The following RARB variants were observed in gnomAD, a reference collection of about 807,000 sequenced individuals.
RARB encodes HBV-activated protein.
Under a neutral mutation model 51.9 loss-of-function variants are expected in RARB, and 17 were observed. That is an observed-to-expected ratio of 0.33 (90% CI 0.22 to 0.49). The LOEUF (loss-of-function observed/expected upper bound fraction) is 0.49, where lower values mean the gene tolerates loss of function less well. Ranked by LOEUF, RARB falls within the 20% of genes least tolerant of loss-of-function variation. The pLI is 0.99. For synonymous variants in RARB, 215 were observed against 195.4 expected, an observed-to-expected ratio of 1.10 and a Z score of -0.84; for missense variants, 369 against 550.8, an observed-to-expected ratio of 0.67 and a Z score of 3.30.
intron 5 of RARB, among the ~76,000 whole-genome samples, chr3:25,365,390 G>A (rs1706087121): frequency 6.6e-6 from 1 of 151,504 alleles, no homozygotes; most frequent in Non-Finnish European, 1.5e-5. Context: ...GGGATTATAG[G>A]CATGAGCCAC....
At chr3:24,837,435 A>T (rs1044144152) in intron 1 of RARB, among the ~76,000 whole-genome samples, 4 of 152,206 alleles carry the variant, frequency 2.6e-5, no homozygotes, top group Non-Finnish European at 4.4e-5. Context: ...TAATTTGAGA[A>T]CTGTATTAAA....
chr3:24,978,407 TATTA>T (rs1407759647), intron 2 of RARB, among the ~76,000 whole-genome samples: 11 of 152,314 alleles, frequency 7.2e-5, no homozygotes, highest in African/African-American at 2.4e-4. Flanking sequence ...GTTGGTAGGC[TATTA>T]ATTATTGCCT....
intron 3 of RARB, among the ~76,000 whole-genome samples, chr3:25,524,010 G>GCTGAAA (rs1285155142): frequency 1.3e-5 from 2 of 152,204 alleles, no homozygotes; most frequent in Non-Finnish European, 2.9e-5. Context: ...TAAGGCTGAA[G>GCTGAAA]CACAATGAAT....
At chr3:25,594,710 C>T in intron 7 of RARB, 32 bp downstream of exon 7, 2 of 1,525,192 alleles carry the variant, frequency 1.3e-6, no homozygotes, top group Non-Finnish European at 1.8e-6. Context: ...ACTGTAGTCA[C>T]ACAGTGGACT....
chr3:25,533,613 C>T (rs975836756), intron 3 of RARB, among the ~76,000 whole-genome samples: 3 of 152,096 alleles, frequency 2.0e-5, no homozygotes, highest in Admixed American at 6.5e-5. Context: ...ACTTTGCAAA[C>T]GATATATCTA....
At chr3:25,500,374 T>C (rs1697234644) in intron 2 of RARB, among the ~76,000 whole-genome samples, 1 of 152,006 alleles carries the variant, frequency 6.6e-6, no homozygotes, top group Admixed American at 6.6e-5. Context: ...AGAGGAGCTA[T>C]GTAAAAGAAC....
At chr3:24,982,721 C>G (rs1696704389) in intron 2 of RARB, among the ~76,000 whole-genome samples, 1 of 152,222 alleles carries the variant, frequency 6.6e-6, no homozygotes, top group Non-Finnish European at 1.5e-5. Context: ...AACTTCTCCT[C>G]TGTCAGTGGC....
At chr3:24,917,340 A>G (rs1268341156) in intron 2 of RARB, among the ~76,000 whole-genome samples, 5 of 152,358 alleles carry the variant, frequency 3.3e-5, no homozygotes, top group East Asian at 1.9e-4. Context: ...TAAAAAATGT[A>G]TGTTTCAAAA....
intron 3 of RARB, among the ~76,000 whole-genome samples, chr3:25,073,073 A>G (rs1698802249): frequency 6.6e-6 from 1 of 152,146 alleles, no homozygotes; most frequent in African/African-American, 2.4e-5. Context: ...AATGAGTATT[A>G]GGGAAAACTG....
At chr3:25,545,142 A>G (rs183017793) in intron 3 of RARB, among the ~76,000 whole-genome samples, 1 of 151,988 alleles carries the variant, frequency 6.6e-6, no homozygotes, top group East Asian at 1.9e-4. Flanking sequence ...ATGGGGTTTT[A>G]CCATTTTGGC....
chr3:25,441,430 C>T (rs753656992), intron 1 of RARB: 8 of 192,620 alleles, frequency 4.2e-5, no homozygotes, highest in Non-Finnish European at 7.9e-5. Context: ...GGTTTCTCCA[C>T]CCCGCCAGTA....
intron 5 of RARB, among the ~76,000 whole-genome samples, chr3:25,375,463 T>G (rs1706432174): frequency 6.6e-6 from 1 of 152,192 alleles, no homozygotes; most frequent in South Asian, 2.1e-4. Flanking sequence ...AATAATATGG[T>G]GATTGTGGAG....
At chr3:25,492,786 A>G (rs1237048155) in intron 2 of RARB, among the ~76,000 whole-genome samples, 2 of 152,134 alleles carry the variant, frequency 1.3e-5, no homozygotes, top group Non-Finnish European at 2.9e-5. Flanking sequence ...TGTGCCGAGG[A>G]AGCTTCTAGA....
chr3:25,114,318 G>A lies in RARB; in HGVS notation c.-327-17843G>A, dbSNP rs928020728. Among the ~76,000 whole-genome samples the A allele has an allele frequency of 5.9e-5, 9 of 152,262 alleles. No individual in the cohort carries two copies. The South Asian group carries it at 8.3e-4, about 14-fold the overall frequency. ...GAAGAGCCATGTGCCCAAACCAGAC[G>A]GTTGGAGTAGCTGAGGCTTTGCGTT... On this transcript the variant is annotated intron_variant, in intron 3 of 11. Transcript: ENST00000383772.
chr3:25,416,876 C>T (rs994807510), intron 5 of RARB, among the ~76,000 whole-genome samples: 2 of 152,206 alleles, frequency 1.3e-5, no homozygotes, highest in African/African-American at 4.8e-5. Flanking sequence ...CAATAGCCTC[C>T]TCTGTTACTG....
intron 4 of RARB, among the ~76,000 whole-genome samples, chr3:25,162,620 C>T (rs1450354742): frequency 1.3e-5 from 2 of 152,192 alleles, no homozygotes; most frequent in Non-Finnish European, 2.9e-5. Flanking sequence ...TACTAATCTA[C>T]TTTCTGTCTC....
At position 25,089,150 on chromosome 3, in the gene RARB, TAAAC is replaced by T. The variant is rs764765404; in HGVS notation, c.-328+28978_-328+28981del. 4.6e-5 allele frequency among the ~76,000 whole-genome samples: 7 copies of T among 152,028 alleles called. No homozygotes were observed. In the East Asian group the frequency reaches 1.4e-3, roughly 29 times the overall value. On this transcript the variant is annotated intron_variant, in intron 3 of 11. Transcript: ENST00000383772. ...TAATAGAGTGAGCCGATTTTTTTTT[TAAAC>T]AAATTCATTGTAAAGAACAGACTTT...
At chr3:25,567,159 C>T (rs988931296) in intron 3 of RARB, among the ~76,000 whole-genome samples, 9 of 152,180 alleles carry the variant, frequency 5.9e-5, no homozygotes, top group Non-Finnish European at 1.2e-4. Flanking sequence ...ATATAATTCA[C>T]GTAGCATAAC....
Position 25,193,566 on chromosome 3 carries a change from T to C in RARB, c.178+18991T>C, listed in dbSNP as rs1701154377. ...CATCTCATTCTAAGCAATAAACTTG[T>C]CATAAAAAATAGTAGAAATTATCAA... is the stretch of plus-strand genomic sequence containing the variant. On this transcript the variant is annotated intron_variant, in intron 5 of 11. Coordinates refer to the RARB transcript ENST00000383772. Among the ~76,000 whole-genome samples, 3 of 152,088 alleles carry C rather than the reference T, an allele frequency of 2.0e-5. 1 individual carries two copies. The highest frequency in any genetic ancestry group is 2.0e-4 in the Admixed American group (3 of 15,226).
Sources: gnomAD v4.1 joint callset for allele counts (sites outside exome capture counted in the v4.1 genomes callset) on GRCh38, gnomAD v4.1.1 for gene constraint, MANE v1.5 for transcripts, NCBI Gene and HGNC (gene_info 2026-07-23, HGNC 2026-07-21) for gene names.